Variants in GGA1 observed in about 807,000 individuals in gnomAD.
The protein encoded by GGA1 is golgi associated, gamma adaptin ear containing, ARF binding protein 1.
In GGA1, 18 loss-of-function variants were observed where a neutral mutation model predicts 76.9. The observed-to-expected ratio is 0.23, with a 90% confidence interval of 0.16 to 0.35. The LOEUF is 0.35. GGA1 is among the 10% of genes least tolerant of loss of function. The probability of loss-of-function intolerance (pLI) is 1.00; values close to 1 mark genes in which losing one functional copy is unlikely to be tolerated. For synonymous variants in GGA1, 342 were observed against 354.7 expected (o/e 0.96, Z 0.40); for missense variants, 755 against 859.0 (o/e 0.88, Z 1.51).
chr22:37,624,161 A>T lies in GGA1; in HGVS notation c.832+528A>T, dbSNP rs992165885. On this transcript the variant is annotated intron_variant, in intron 9 of 16. Transcript: ENST00000343632. The surrounding 1 kb of genome is among the most constrained non-coding windows in gnomAD (Gnocchi z 4.3). The stretch of plus-strand genomic sequence containing the variant: ...TTGGGCTGCGGTCTGGGTACCATCC[A>T]CTCCCTCATTAAGCAGGAGCCCCAC... 6.3e-5 allele frequency: 10 copies of T among 158,390 alleles called. No individual in the cohort carries two copies. The East Asian group carries it at 1.1e-3, about 17-fold the overall frequency. The allele number at this position is 158,390 out of a possible 1,614,324, so 9.8% of individuals were successfully genotyped here.
At chr22:37,615,880 G>A (rs1238344056) in intron 2 of GGA1, among the ~76,000 whole-genome samples, 4 of 150,908 alleles carry the variant, frequency 2.7e-5, no homozygotes, top group Non-Finnish European at 4.4e-5. Flanking sequence ...TCGCTCTGTC[G>A]CCCAGGCTGG....
rs978106160 is a variant in GGA1 at position 37,623,747 on chromosome 22, G to T, written c.832+114G>T. The T allele has an allele frequency of 3.9e-6, 3 of 762,306 alleles. No individual in the cohort carries two copies. The African/African-American group carries it at 5.2e-5, about 13-fold the overall frequency. The allele number at this position is 762,306 out of a possible 1,614,324, so 47.2% of individuals were successfully genotyped here. ...AGTTGGAAGGAGCCACCACCAGGGGGCCCCCTTCTCCAGCACCGACCTTGG... is the reference window on the plus strand; with the variant it reads ...AGTTGGAAGGAGCCACCACCAGGGGTCCCCCTTCTCCAGCACCGACCTTGG... On this transcript the variant is annotated intron_variant, in intron 9 of 16. Transcript: ENST00000343632. The surrounding 1 kb of genome is among the most constrained non-coding windows in gnomAD (Gnocchi z 4.6).
intron 1 of GGA1, 77 bp downstream of exon 1, chr22:37,608,980 C>T: frequency 3.8e-6 from 5 of 1,322,396 alleles, no homozygotes; most frequent in Non-Finnish European, 3.9e-6. Context: ...CCGGCGGGGG[C>T]GGGGTACGGG....
In GGA1 at chr22:37,616,917, C is replaced by G; in HGVS notation, c.129-5C>G. 1 of 1,602,354 alleles carries G rather than the reference C, an allele frequency of 6.2e-7. No individual in the cohort carries two copies. Among genetic ancestry groups the G allele is most frequent in the Non-Finnish European group, 8.5e-7 (1 of 1,174,876 alleles). On this transcript the variant is annotated splice_polypyrimidine_tract_variant and splice_region_variant and intron_variant, in intron 2 of 16. Transcript: ENST00000343632. ...CTCTGGCTCTGTGTTGTTCCTCCCA[C>G]CCAGGCCTCCACTCGCCACCCGGCT...
At chr22:37,616,884 C>T (rs1430542766) in intron 2 of GGA1, 38 bp from the exon 3 acceptor site, 6 of 1,557,442 alleles carry the variant, frequency 3.9e-6, no homozygotes, top group African/African-American at 1.4e-5. Flanking sequence ...ACCGGGACTC[C>T]GTGGCGACTC....
rs1264348872 is a variant in GGA1 at position 37,632,119 on chromosome 22, C to A, written c.1652C>A (p.Ala551Asp). 1 of 1,613,392 alleles carries A rather than the reference C, an allele frequency of 6.2e-7. No individual in the cohort carries two copies. The highest frequency in any genetic ancestry group is 1.7e-5 in the Admixed American group (1 of 59,994). Residue 551 changes from alanine (A) to aspartate (D), a missense_variant, in exon 15 of 17, where the codon GCC becomes GAC. Transcript: ENST00000343632. The surrounding 1 kb of genome is among the most constrained non-coding windows in gnomAD (Gnocchi z 5.1). ...GTGGTGGTTTCCATGCTGAGCACCG[C>A]CCCCCAGCCCATCCGCAACATCGTG... Reference protein sequence around the residue: ...LVVVVSMLSTAPQPIRNIVFQ... With the variant: ...LVVVVSMLSTDPQPIRNIVFQ...
At chr22:37,616,790 G>A (rs867702782) in intron 2 of GGA1, 132 bp from the exon 3 acceptor site, 8 of 1,120,826 alleles carry the variant, frequency 7.1e-6, no homozygotes, top group Non-Finnish European at 8.4e-6. Flanking sequence ...CGGCGGGCTG[G>A]GGTGGTGACC....
At position 37,608,912 on chromosome 22, in the gene GGA1, C is replaced by A. The variant is rs1926901469; in HGVS notation, c.43+9C>A. 1.5e-6 allele frequency: 2 copies of A among 1,322,478 alleles called. No homozygotes were observed. The highest frequency in any genetic ancestry group is 3.1e-5 in the East Asian group (1 of 31,844). The allele number at this position is 1,322,478 out of a possible 1,614,324, so 81.9% of individuals were successfully genotyped here. On this transcript the variant is annotated intron_variant, in intron 1 of 16. Coordinates refer to ENST00000343632, the MANE Select transcript of GGA1 (RefSeq NM_013365.5). Reference sequence around the variant, plus strand: ...TCTGGAGGCGCGAATCAGTGAGTGTCCGGGAGGGGCGCGGGCCGGACCGGA... The same window carrying A: ...TCTGGAGGCGCGAATCAGTGAGTGTACGGGAGGGGCGCGGGCCGGACCGGA...
intron 2 of GGA1, among the ~76,000 whole-genome samples, chr22:37,614,864 A>G (rs904967790): frequency 1.3e-5 from 2 of 152,326 alleles, no homozygotes; most frequent in East Asian, 1.9e-4. Flanking sequence ...CTGTAATCCC[A>G]GCTACTCAGG....
chr22:37,609,190 C>T (rs1186527924), intron 1 of GGA1: 6 of 1,377,998 alleles, frequency 4.4e-6, no homozygotes, highest in African/African-American at 1.5e-5. Context: ...ACGGAGAGAG[C>T]AGCCTCCAAC....
At chr22:37,626,513 T>G (rs1312492621) in intron 11 of GGA1, 1 of 151,948 alleles carries the variant, frequency 6.6e-6, no homozygotes. Flanking sequence ...CATTTTTGGG[T>G]TTCCAACTGC....
intron 14 of GGA1, 120 bp downstream of exon 14, chr22:37,631,219 G>C: frequency 1.3e-6 from 1 of 753,260 alleles, no homozygotes; most frequent in Non-Finnish European, 2.1e-6. Flanking sequence ...TGGCCAACCA[G>C]AGGGGAGCTC....
rs1230192957 is a variant in GGA1, at chr22:37,632,470, C to T, written c.1764C>T (p.His588=). 1 of 1,613,810 alleles carries T rather than the reference C, an allele frequency of 6.2e-7. No individual in the cohort carries two copies. Among genetic ancestry groups the T allele is most frequent in the Non-Finnish European group, 8.5e-7 (1 of 1,179,834 alleles). Residue 588 remains histidine (H), a synonymous_variant, in exon 16 of 17, where the codon CAC becomes CAT. Coordinates refer to ENST00000343632, the MANE Select transcript of GGA1 (RefSeq NM_013365.5). The surrounding 1 kb of genome is among the most constrained non-coding windows in gnomAD (Gnocchi z 5.1). ...TELPAFNPIV[H]PSAITQVLLL... is the part of the protein sequence containing the mutation. ...TGCCAGCTTTTAACCCCATCGTCCA[C>T]CCCTCAGCAATCACCCAGGTCCTGC... is the stretch of plus-strand genomic sequence containing the variant.
At chr22:37,629,967 C>A in intron 12 of GGA1, 31 bp from the exon 13 acceptor site, 2 of 1,486,234 alleles carry the variant, frequency 1.3e-6, no homozygotes, top group Non-Finnish European at 1.8e-6. Context: ...CTCTAGACAG[C>A]CCCACCCCAC....
At chr22:37,613,248 C>G (rs1174501210) in intron 1 of GGA1, 2 of 806,786 alleles carry the variant, frequency 2.5e-6, no homozygotes, top group African/African-American at 3.7e-5. Context: ...TGGTTACCCG[C>G]ATCTTTCCTG....
intron 3 of GGA1, 83 bp from the exon 4 acceptor site, chr22:37,618,365 C>G (rs948025856): frequency 2.1e-5 from 16 of 768,210 alleles, no homozygotes; most frequent in Non-Finnish European, 3.0e-5. Context: ...CCATGGGCTT[C>G]TGGCCCCTGT....
intron 1 of GGA1, 62 bp from the exon 2 acceptor site, chr22:37,614,128 C>A: frequency 2.7e-6 from 3 of 1,120,844 alleles, no homozygotes; most frequent in South Asian, 1.2e-5. Flanking sequence ...TTGCCAGGGT[C>A]AGGAGTGGAA....
Position 37,632,404 on chromosome 22 carries a change from G to A in GGA1, c.1699-1G>A. The A allele has an allele frequency of 6.2e-7, 1 of 1,604,608 alleles. No homozygotes were observed. Among genetic ancestry groups the A allele is most frequent in the Non-Finnish European group, 8.5e-7 (1 of 1,171,446 alleles). On this transcript the variant is annotated splice_acceptor_variant, in intron 15 of 16. Transcript: ENST00000343632. LOFTEE classifies it high-confidence loss of function. This position sits in a 1 kb window ranked among gnomAD's most constrained non-coding sequence, Gnocchi z 5.1. ...GTGCCCATCCTGCCATCTGCCCACA[G>A]GTTATGAAGGTGAAGCTGCAGCCAC...
At chr22:37,619,248 G>T (rs1280650210) in intron 4 of GGA1, among the ~76,000 whole-genome samples, 1 of 151,728 alleles carries the variant, frequency 6.6e-6, no homozygotes, top group East Asian at 1.9e-4. Context: ...TGTATTTTTA[G>T]TAGAGATGGG....
Sources: gnomAD v4.1 joint callset for allele counts (sites outside exome capture counted in the v4.1 genomes callset) on GRCh38, gnomAD v4.1.1 for gene constraint, Gnocchi (gnomAD v3.1) non-coding constraint, MANE v1.5 for transcripts, NCBI Gene and HGNC (gene_info 2026-07-23, HGNC 2026-07-21) for gene names.